GASK1A: variants seen among roughly 807,000 people sequenced by gnomAD.
GASK1A encodes golgi associated kinase 1A.
In GASK1A, 40 loss-of-function variants were observed where a neutral mutation model predicts 41.2. That is an observed-to-expected ratio of 0.97 (90% confidence interval 0.75 to 1.27). The LOEUF (loss-of-function observed/expected upper bound fraction) is 1.27, where lower values mean the gene tolerates loss of function less well. GASK1A is among the 50% of genes most tolerant of loss of function. GASK1A has a pLI of 0.00. For missense variants in GASK1A, 678 were observed against 745.1 expected (o/e 0.91, Z 1.05); for synonymous variants, 316 against 307.1 (o/e 1.03, Z -0.30).
Position 43,057,272 on chromosome 3 carries a change from A to T in GASK1A, c.*886A>T, listed in dbSNP as rs781760596. ...ATCAATTACAGACATTGCCGCCATGAACATGATTGCATGGCGTGCAAGTAT... is the reference window on the plus strand; with the variant it reads ...ATCAATTACAGACATTGCCGCCATGTACATGATTGCATGGCGTGCAAGTAT... On this transcript the variant is annotated 3_prime_UTR_variant, in exon 5 of 5. Coordinates refer to ENST00000430121, the MANE Select transcript of GASK1A (RefSeq NM_001129908.3). 2.0e-5 allele frequency: 3 copies of T among 152,234 alleles called. No individual in the cohort carries two copies. The highest frequency in any genetic ancestry group is 4.8e-5 in the African/African-American group (2 of 41,468). 9.4% of individuals were successfully genotyped at this position (152,234 alleles called of 1,614,324 possible).
intron 4 of GASK1A, chr3:43,055,742 C>A: frequency 1.8e-6 from 1 of 554,244 alleles, no homozygotes; most frequent in Non-Finnish European, 3.2e-6. Flanking sequence ...ATCCAGAGGG[C>A]CTCGTGCCTG....
At chr3:43,020,544 C>G (rs183545967) in intron 1 of GASK1A, among the ~76,000 whole-genome samples, 4 of 152,148 alleles carry the variant, frequency 2.6e-5, no homozygotes, top group African/African-American at 9.7e-5. Flanking sequence ...GTTATCTGAC[C>G]GAGGGCACAC....
chr3:43,033,958 A>G (rs192151655), intron 2 of GASK1A, among the ~76,000 whole-genome samples: 1 of 152,224 alleles, frequency 6.6e-6, no homozygotes, highest in Non-Finnish European at 1.5e-5. Flanking sequence ...ATGGTGTGCC[A>G]CTGCACATCT....
intron 2 of GASK1A, among the ~76,000 whole-genome samples, chr3:43,052,068 G>A (rs1479470778): frequency 6.6e-6 from 1 of 152,148 alleles, no homozygotes; most frequent in Non-Finnish European, 1.5e-5. Flanking sequence ...AGATCCTCAA[G>A]GCCTCCCCAC....
intron 3 of GASK1A, 41 bp downstream of exon 3, chr3:43,053,684 A>G: frequency 1.9e-6 from 3 of 1,550,962 alleles, no homozygotes; most frequent in Non-Finnish European, 2.6e-6. Context: ...CCCCAGACCC[A>G]GGTCTTTCTG....
At chr3:43,025,236 A>G (rs535028755) in intron 1 of GASK1A, among the ~76,000 whole-genome samples, 3 of 152,330 alleles carry the variant, frequency 2.0e-5, no homozygotes, top group African/African-American at 7.2e-5. Flanking sequence ...GCTCAGTCAC[A>G]GAGGGTCTAA....
At chr3:43,048,016 C>T (rs1470588839) in intron 2 of GASK1A, among the ~76,000 whole-genome samples, 2 of 152,080 alleles carry the variant, frequency 1.3e-5, no homozygotes, top group Admixed American at 1.3e-4. Flanking sequence ...AATGTGACAG[C>T]AAAACCATCC....
At chr3:43,050,652 G>C (rs1274091683) in intron 2 of GASK1A, among the ~76,000 whole-genome samples, 1 of 151,688 alleles carries the variant, frequency 6.6e-6, no homozygotes, top group Non-Finnish European at 1.5e-5. Flanking sequence ...TATATATGTT[G>C]GTACACTTGA....
intron 1 of GASK1A, among the ~76,000 whole-genome samples, chr3:42,982,398 T>A (rs1051232094): frequency 5.3e-5 from 8 of 152,238 alleles, no homozygotes; most frequent in African/African-American, 1.9e-4. Flanking sequence ...GGAACCATGA[T>A]TATCATTTTG....
In GASK1A at chr3:43,040,878, C is replaced by CCT. The variant is rs1553615985; in HGVS notation, c.1290+7326_1290+7327insTC. 2.6e-5 allele frequency among the ~76,000 whole-genome samples: 3 copies of CCT among 117,580 alleles called. 1 individual carries two copies. The highest frequency in any genetic ancestry group is 5.9e-5 in the Non-Finnish European group (3 of 50,848). The allele number at this position is 117,580 out of a possible 152,430, so 77.1% of individuals were successfully genotyped here. A position where few individuals can be genotyped will look rare whatever the true frequency, so the allele number is the denominator to read the frequency against. ...GGTATATCTCCCAATGCTATCCCTC[C>CCT]CCCCCGCCACAACAGTCCGCAGAGT... On this transcript the variant is annotated intron_variant, in intron 2 of 4. Coordinates refer to ENST00000430121, the MANE Select transcript of GASK1A (RefSeq NM_001129908.3).
chr3:43,012,538 C>A lies in GASK1A; in HGVS notation c.4-19729C>A, dbSNP rs796245590. Among the ~76,000 whole-genome samples, 300 of 145,678 alleles carry A rather than the reference C, an allele frequency of 2.1e-3. 4 individuals carry two copies. Among genetic ancestry groups the A allele is most frequent in the African/African-American group, 7.6e-3 (290 of 37,924 alleles). Reference sequence around the variant, plus strand: ...GGAAGTGGAAAGTCACATGAAGGGGCTATGTGAAGTCACAGGGAAGGGCAG... The same window carrying A: ...GGAAGTGGAAAGTCACATGAAGGGGATATGTGAAGTCACAGGGAAGGGCAG... On this transcript the variant is annotated intron_variant, in intron 1 of 4. Coordinates refer to ENST00000430121, the MANE Select transcript of GASK1A (RefSeq NM_001129908.3).
chr3:43,005,326 G>A (rs2089430707), intron 1 of GASK1A, among the ~76,000 whole-genome samples: 1 of 152,116 alleles, frequency 6.6e-6, no homozygotes, highest in South Asian at 2.1e-4. Context: ...AGTTACCCAA[G>A]GTTACCTGCA....
chr3:42,985,667 CAA>C (rs2089305479), intron 1 of GASK1A, among the ~76,000 whole-genome samples: 1 of 151,036 alleles, frequency 6.6e-6, no homozygotes, highest in African/African-American at 2.4e-5. Context: ...CCCTGTGGGC[CAA>C]ATATTCTGCT....
At chr3:43,053,425 G>C in intron 2 of GASK1A, 96 bp from the exon 3 acceptor site, 2 of 1,384,188 alleles carry the variant, frequency 1.4e-6, no homozygotes, top group South Asian at 3.0e-5. Flanking sequence ...TGGCCCCAGG[G>C]TCATGTAGGA....
intron 1 of GASK1A, among the ~76,000 whole-genome samples, chr3:42,990,935 A>G (rs923511164): frequency 1.3e-5 from 2 of 151,700 alleles, no homozygotes; most frequent in African/African-American, 4.8e-5. Context: ...TGCCTGGGGG[A>G]ACTATGGGCA....
At chr3:43,051,937 A>C (rs1328496865) in intron 2 of GASK1A, among the ~76,000 whole-genome samples, 1 of 152,148 alleles carries the variant, frequency 6.6e-6, no homozygotes, top group Non-Finnish European at 1.5e-5. Context: ...CCTTCTGCAA[A>C]GATGGGATCA....
At chr3:43,027,344 G>T (rs1009817620) in intron 1 of GASK1A, among the ~76,000 whole-genome samples, 14 of 152,216 alleles carry the variant, frequency 9.2e-5, no homozygotes. Context: ...GCTTCCTATT[G>T]TACCAATGCG....
At chr3:42,989,094 T>G (rs749011960) in intron 1 of GASK1A, among the ~76,000 whole-genome samples, 2 of 152,136 alleles carry the variant, frequency 1.3e-5, no homozygotes, top group Admixed American at 6.6e-5. Flanking sequence ...TTTCAAAAAG[T>G]GCAGGAGCCG....
At chr3:43,017,713 TGTGAAGCCACAGGAAGGGGCAGC>T (rs879720975) in intron 1 of GASK1A, among the ~76,000 whole-genome samples, 1 of 151,200 alleles carries the variant, frequency 6.6e-6, no homozygotes, top group Non-Finnish European at 1.5e-5. Context: ...GAAGGGGCTG[TGTGAAGCCACAGGAAGGGGCAGC>T]GTGAAGCCAC....
Sources: allele counts gnomAD v4.1 joint callset (sites outside exome capture counted in the v4.1 genomes callset), GRCh38; gene constraint gnomAD v4.1.1; transcripts MANE v1.5; gene names NCBI Gene and HGNC (gene_info 2026-07-23, HGNC 2026-07-21).